ZNF641: variants seen among roughly 807,000 people sequenced by gnomAD.
ZNF641 encodes the protein zinc finger protein 641.
A neutral mutation model predicts 46.2 loss-of-function variants in ZNF641; 26 were observed. That is an observed-to-expected ratio of 0.56 (90% CI 0.41 to 0.78). The LOEUF is 0.78. ZNF641 is among the 30% of genes least tolerant of loss of function. ZNF641 has a pLI of 0.00. For synonymous variants in ZNF641, 163 were observed against 187.9 expected (o/e 0.87, Z 1.09); for missense variants, 469 against 517.8 (o/e 0.91, Z 0.91).
intron 1 of ZNF641, chr12:48,350,346 G>C (rs1459296755): frequency 3.7e-6 from 3 of 808,390 alleles, no homozygotes; most frequent in Non-Finnish European, 5.3e-6. Flanking sequence ...CCTGCCACGG[G>C]TAGGGCATGG....
chr12:48,340,263 A>T lies in ZNF641; in HGVS notation c.*2710T>A. On this transcript the variant is annotated 3_prime_UTR_variant, in exon 6 of 6. Coordinates refer to ENST00000547026, the MANE Select transcript of ZNF641 (RefSeq NM_001172681.2). Reference sequence around the variant, plus strand: ...GCCCTTAGACTCCATGATGCCTTTCAGCTGGGTGCTATACTTGCACCTAAC... The same window carrying T: ...GCCCTTAGACTCCATGATGCCTTTCTGCTGGGTGCTATACTTGCACCTAAC... 2 of 985,462 alleles carry T rather than the reference A, an allele frequency of 2.0e-6. No individual in the cohort carries two copies. The highest frequency in any genetic ancestry group is 2.4e-6 in the Non-Finnish European group (2 of 829,930). 61.0% of individuals were successfully genotyped at this position (985,462 alleles called of 1,614,324 possible).
At position 48,343,154 on chromosome 12, in the gene ZNF641, T is replaced by C. The variant is rs1466041058; in HGVS notation, c.1094A>G (p.Lys365Arg). The change falls in exon 6 of 6, where the codon AAG becomes AGG. Residue 365 changes from lysine to arginine, a missense_variant. Physicochemically the swap from Lys to Arg is conservative, Grantham distance 26. This residue lies in a region of ZNF641 where 346 missense variants were observed against 354.0 expected (regional missense o/e 0.98). Coordinates refer to ENST00000547026, the MANE Select transcript of ZNF641 (RefSeq NM_001172681.2). ...PKCHVCTECG[K>R]SFGRRHHLVR... is the part of the protein sequence containing the mutation. ...AAGGTGGTGCCTTCGGCCAAAGCTC[T>C]TCCCACATTCAGTGCACACGTGACA... 8 of 1,614,212 alleles carry C rather than the reference T, an allele frequency of 5.0e-6. No homozygotes were observed. The highest frequency in any genetic ancestry group is 1.7e-5 in the Admixed American group (1 of 60,032).
intron 3 of ZNF641, among the ~76,000 whole-genome samples, chr12:48,346,961 A>G (rs997612009): frequency 6.6e-6 from 1 of 152,216 alleles, no homozygotes; most frequent in Admixed American, 6.5e-5. Context: ...CAGGGAGCCA[A>G]GATCATACCA....
intron 3 of ZNF641, among the ~76,000 whole-genome samples, chr12:48,346,704 G>A (rs572514757): frequency 6.6e-6 from 1 of 152,188 alleles, no homozygotes; most frequent in Admixed American, 6.5e-5. Flanking sequence ...AACAAACACA[G>A]CCATCCATTA....
Position 48,340,104 on chromosome 12 carries a change from T to A in ZNF641, c.*2869A>T. On this transcript the variant is annotated 3_prime_UTR_variant, in exon 6 of 6. Transcript: ENST00000547026. Reference sequence around the variant, plus strand: ...TGAGGCTGATTCCCTGTGGGAAAAATCATTCAAATCTATTCACTCATCTGA... The same window carrying A: ...TGAGGCTGATTCCCTGTGGGAAAAAACATTCAAATCTATTCACTCATCTGA... 1 of 985,398 alleles carries A rather than the reference T, an allele frequency of 1.0e-6. No individual in the cohort carries two copies. Among genetic ancestry groups the A allele is most frequent in the Non-Finnish European group, 1.2e-6 (1 of 829,920 alleles). The allele number at this position is 985,398 out of a possible 1,614,324, so 61.0% of individuals were successfully genotyped here. A position where few individuals can be genotyped will look rare whatever the true frequency, so the allele number is the denominator to read the frequency against.
At chr12:48,345,046 T>A (rs1952830442) in intron 4 of ZNF641, among the ~76,000 whole-genome samples, 1 of 152,158 alleles carries the variant, frequency 6.6e-6, no homozygotes, top group African/African-American at 2.4e-5. Flanking sequence ...GGTTCCCAAG[T>A]TTACAAGGAC....
intron 3 of ZNF641, among the ~76,000 whole-genome samples, chr12:48,345,910 A>ATTTT (rs11374696): frequency 6.8e-6 from 1 of 146,556 alleles, no homozygotes; most frequent in Non-Finnish European, 1.5e-5. Context: ...TTGCCACAGC[A>ATTTT]TTTTTTTTTT....
Position 48,347,352 on chromosome 12 carries a change from G to C in ZNF641, c.185-9C>G. ...CCAGGGAGCAGACTGAGCTGATAAG[G>C]AGAGAGAAGAAACATTAGAGAATAA... On this transcript the variant is annotated splice_polypyrimidine_tract_variant and intron_variant, in intron 2 of 5. Transcript: ENST00000547026. 1.2e-6 allele frequency: 2 copies of C among 1,601,338 alleles called. No homozygotes were observed. Among genetic ancestry groups the C allele is most frequent in the Non-Finnish European group, 1.7e-6 (2 of 1,172,856 alleles).
At chr12:48,344,036 C>T (rs538532512) in intron 5 of ZNF641, among the ~76,000 whole-genome samples, 108 of 152,336 alleles carry the variant, frequency 7.1e-4, no homozygotes, top group Non-Finnish European at 1.3e-3. Context: ...AGCACAGAAC[C>T]TGCACATAGT....
chr12:48,343,494 A>C lies in ZNF641; in HGVS notation c.754T>G (p.Cys252Gly), dbSNP rs761927175. 1 of 1,613,704 alleles carries C rather than the reference A, an allele frequency of 6.2e-7. No homozygotes were observed. The highest frequency in any genetic ancestry group is 2.2e-5 in the East Asian group (1 of 44,866). Residue 252 changes from cysteine to glycine, a missense_variant, in exon 6 of 6, where the codon TGC (cysteine) becomes GGC (glycine). Cys to Gly is a radical substitution (Grantham distance 159, BLOSUM62 -3). Around this residue, in one of 3 missense-constraint regions of ZNF641, gnomAD observed 346 missense variants for 354.0 expected, o/e 0.98. Transcript: ENST00000547026. ...ACAAACTGTTTCCCACACTGGGGGC[A>C]TGTGTGGGGTCTTAACAGGGAATCC... ...EMDSLLRPHT[C>G]PQCGKQFVWG...
At chr12:48,345,563 G>T in intron 3 of ZNF641, 89 bp from the exon 4 acceptor site, 2 of 1,539,052 alleles carry the variant, frequency 1.3e-6, no homozygotes, top group Non-Finnish European at 8.9e-7. Flanking sequence ...AGAGGAGAGA[G>T]GGTGAGAAAT....
rs747235796 is a variant in ZNF641, at chr12:48,343,280, C to G, written c.968G>C (p.Ser323Thr). 2 of 1,614,230 alleles carry G rather than the reference C, an allele frequency of 1.2e-6. No individual in the cohort carries two copies. Among genetic ancestry groups the G allele is most frequent in the East Asian group, 4.5e-5 (2 of 44,880 alleles). ...GCCTTCTGCATGCACTCTCTGGTGG[C>G]TGGCCAGATGGGAGTTGCATCGGAA... ...KNFRCNSHLA[S>T]HQRVHAEGKS... The change falls in exon 6 of 6, where the codon AGC becomes ACC. Residue 323 changes from serine to threonine, a missense_variant. Ser to Thr is a moderately conservative substitution (Grantham distance 58). Coordinates refer to ENST00000547026, the MANE Select transcript of ZNF641 (RefSeq NM_001172681.2).
Position 48,350,862 on chromosome 12 carries a change from G to C in ZNF641, c.-102C>G. On this transcript the variant is annotated 5_prime_UTR_variant, in exon 1 of 6. Transcript: ENST00000547026. ...CCCCTCCCCTCCGCCCTCCGCTTGCGTCTGGGAGCCGGCGGCCGGCGGAGC... is the reference window on the plus strand; with the variant it reads ...CCCCTCCCCTCCGCCCTCCGCTTGCCTCTGGGAGCCGGCGGCCGGCGGAGC... 2.0e-6 allele frequency: 2 copies of C among 985,164 alleles called. No homozygotes were observed. Among genetic ancestry groups the C allele is most frequent in the Non-Finnish European group, 2.4e-6 (2 of 829,812 alleles). The allele number at this position is 985,164 out of a possible 1,614,324, so 61.0% of individuals were successfully genotyped here.
chr12:48,350,089 C>G, intron 1 of ZNF641: 1 of 1,614,212 alleles, frequency 6.2e-7, no homozygotes, highest in Non-Finnish European at 8.5e-7. Context: ...GCAGAGCCAG[C>G]ACCTGGGCGG....
chr12:48,350,383 A>T, intron 1 of ZNF641: 1 of 446,720 alleles, frequency 2.2e-6, no homozygotes, highest in Non-Finnish European at 3.8e-6. Flanking sequence ...CTCAGGGGTA[A>T]GGTTGCTTCT....
chr12:48,350,046 C>T (rs777309964), intron 1 of ZNF641: 4 of 1,614,194 alleles, frequency 2.5e-6, no homozygotes, highest in Non-Finnish European at 3.4e-6. Flanking sequence ...GGATGGGTAC[C>T]TGTCCTCAGC....
chr12:48,342,809 A>G lies in ZNF641; in HGVS notation c.*164T>C. The G allele has an allele frequency of 1.4e-6, 2 of 1,429,274 alleles. No individual in the cohort carries two copies. Among genetic ancestry groups the G allele is most frequent in the Non-Finnish European group, 1.8e-6 (2 of 1,096,956 alleles). The allele number at this position is 1,429,274 out of a possible 1,614,324, so 88.5% of individuals were successfully genotyped here. On this transcript the variant is annotated 3_prime_UTR_variant, in exon 6 of 6. Coordinates refer to ENST00000547026, the MANE Select transcript of ZNF641 (RefSeq NM_001172681.2). ...TCTATTTTTATGTGCTATCTCACAGAACTGGTGAGAAATGCTCTGGCCATT... is the reference window on the plus strand; with the variant it reads ...TCTATTTTTATGTGCTATCTCACAGGACTGGTGAGAAATGCTCTGGCCATT...
Position 48,348,024 on chromosome 12 carries a change from C to G in ZNF641, c.67G>C (p.Ala23Pro), listed in dbSNP as rs756623041. The G allele has an allele frequency of 1.1e-5, 18 of 1,614,124 alleles. No homozygotes were observed. Among genetic ancestry groups the G allele is most frequent in the Non-Finnish European group, 1.4e-5 (17 of 1,180,056 alleles). Residue 23 changes from alanine (A) to proline (P), a missense_variant, in exon 2 of 6, where the codon GCA becomes CCA. By Grantham distance (27) the Ala-to-Pro change is conservative (BLOSUM62 -1). Coordinates refer to ENST00000547026, the MANE Select transcript of ZNF641 (RefSeq NM_001172681.2). ...WESMNVQLDG[A>P]EPQVERGSQE... ...CTTCCCCTTTCCACCTGGGGCTCTGCTCCATCCAGCTGTACATTCATTGAT... is the reference window on the plus strand; with the variant it reads ...CTTCCCCTTTCCACCTGGGGCTCTGGTCCATCCAGCTGTACATTCATTGAT...
rs989146195 is a variant in ZNF641, at chr12:48,339,804, A to G, written c.*3169T>C. On this transcript the variant is annotated 3_prime_UTR_variant, in exon 6 of 6. Transcript: ENST00000547026. ...TCTGAAGCCATAACATTACTTTGAC[A>G]AGGGAAAAGTTTTTCCTTCCACAAT... 4.3e-6 allele frequency: 2 copies of G among 469,970 alleles called. No homozygotes were observed. Among genetic ancestry groups the G allele is most frequent in the African/African-American group, 4.2e-5 (2 of 47,316 alleles). The allele number at this position is 469,970 out of a possible 1,614,324, so 29.1% of individuals were successfully genotyped here.
Sources: allele counts gnomAD v4.1 joint callset (sites outside exome capture counted in the v4.1 genomes callset), GRCh38; gene constraint gnomAD v4.1.1; regional missense constraint gnomAD v4.1.1; transcripts MANE v1.5; gene names NCBI Gene and HGNC (gene_info 2026-07-23, HGNC 2026-07-21).